IK: variants seen among roughly 807,000 people sequenced by gnomAD.
The protein encoded by IK is IK cytokine.
Under a neutral mutation model 90.9 loss-of-function variants are expected in IK, and 47 were observed. The ratio of observed to expected loss-of-function variants is 0.52; its 90% CI spans 0.41 to 0.66. The LOEUF is 0.66. Ranked by LOEUF, IK falls within the 30% of genes least tolerant of loss-of-function variation. The pLI is 0.00. For synonymous variants in IK, 201 were observed against 227.5 expected (o/e 0.88, Z 1.05); for missense variants, 385 against 709.3 (o/e 0.54, Z 5.19).
chr5:140,660,454 C>T lies in IK; in HGVS notation c.1355+259C>T. 4 of 541,312 alleles carry T rather than the reference C, an allele frequency of 7.4e-6. No homozygotes were observed. In the East Asian group the frequency reaches 1.2e-4, roughly 17 times the overall value. The allele number at this position is 541,312 out of a possible 1,614,324, so 33.5% of individuals were successfully genotyped here. On this transcript the variant is annotated intron_variant, in intron 15 of 19. Coordinates refer to ENST00000417647, the MANE Select transcript of IK (RefSeq NM_006083.4). The stretch of plus-strand genomic sequence containing the variant: ...CTGGGATTATAGGCATGCATCACCA[C>T]ACCTGGCTAGTTTTTGTATTTTTAG...
intron 2 of IK, 74 bp from the exon 3 acceptor site, chr5:140,651,640 A>G (rs1757618221): frequency 2.6e-6 from 2 of 766,824 alleles, no homozygotes; most frequent in African/African-American, 1.8e-5. Flanking sequence ...TGTTAATTTA[A>G]TCATGATTTT....
In IK at chr5:140,661,495, T is replaced by C. The variant is rs906123865; in HGVS notation, c.1414-125T>C. 7.7e-6 allele frequency: 5 copies of C among 646,732 alleles called. No individual in the cohort carries two copies. Among genetic ancestry groups the C allele is most frequent in the South Asian group, 7.7e-5 (4 of 51,918 alleles). 40.1% of individuals were successfully genotyped at this position (646,732 alleles called of 1,614,324 possible). A position where few individuals can be genotyped will look rare whatever the true frequency, so the allele number is the denominator to read the frequency against. On this transcript the variant is annotated intron_variant, in intron 16 of 19. Coordinates refer to ENST00000417647, the MANE Select transcript of IK (RefSeq NM_006083.4). This position sits in a 1 kb window ranked among gnomAD's most constrained non-coding sequence, Gnocchi z 4.2. Reference sequence around the variant, plus strand: ...TGTAATAAGCATTTATTATTACTTATCAGGGTATGATTTATGAATTGTGGA... The same window carrying C: ...TGTAATAAGCATTTATTATTACTTACCAGGGTATGATTTATGAATTGTGGA...
chr5:140,648,216 C>A lies in IK; in HGVS notation c.17-255C>A, dbSNP rs1757527974. 4.3e-6 allele frequency: 3 copies of A among 703,868 alleles called. No homozygotes were observed. In the South Asian group the frequency reaches 4.5e-5, roughly 11 times the overall value. 43.6% of individuals were successfully genotyped at this position (703,868 alleles called of 1,614,324 possible). A position where few individuals can be genotyped will look rare whatever the true frequency, so the allele number is the denominator to read the frequency against. ...TCCCCATACTTAATCCTGGGTTGCG[C>A]GTATTTATCTTTTACGTAGTATTTT... On this transcript the variant is annotated intron_variant, in intron 1 of 19. Coordinates refer to ENST00000417647, the MANE Select transcript of IK (RefSeq NM_006083.4).
intron 5 of IK, 38 bp from the exon 6 acceptor site, chr5:140,653,900 G>C: frequency 7.7e-7 from 1 of 1,305,402 alleles, no homozygotes; most frequent in Non-Finnish European, 1.1e-6. Context: ...ACCACGCCTG[G>C]ACAGTACTGT....
chr5:140,649,835 C>G lies in IK; in HGVS notation c.83+1298C>G, dbSNP rs556262009. On this transcript the variant is annotated intron_variant, in intron 2 of 19. Coordinates refer to ENST00000417647, the MANE Select transcript of IK (RefSeq NM_006083.4). ...GGCGTGAGCCACTGCGCCTGGCCCTCCTACTCTTTTTTAAATGCATTTATA... is the reference window on the plus strand; with the variant it reads ...GGCGTGAGCCACTGCGCCTGGCCCTGCTACTCTTTTTTAAATGCATTTATA... 2.0e-5 allele frequency among the ~76,000 whole-genome samples: 3 copies of G among 152,306 alleles called. No individual in the cohort carries two copies. The South Asian group carries it at 6.2e-4, about 32-fold the overall frequency.
Position 140,654,048 on chromosome 5 carries a change from A to G in IK, c.515A>G (p.Gln172Arg). 6.3e-7 allele frequency: 1 copy of G among 1,586,116 alleles called. No individual in the cohort carries two copies. Among genetic ancestry groups the G allele is most frequent in the Non-Finnish European group, 8.7e-7 (1 of 1,154,690 alleles). The change falls in exon 6 of 20, where the codon CAA becomes CGA. Residue 172 changes from glutamine (Q) to arginine (R), a missense_variant. Physicochemically the swap from Gln to Arg is conservative, Grantham distance 43. Coordinates refer to ENST00000417647, the MANE Select transcript of IK (RefSeq NM_006083.4). ...AAAGGCTTGGATTTTGCTCTGCTTC[A>G]AAAGGTGAGTCCTGGTGGTCAGGTG... ...LVKGLDFALL[Q>R]KVRAEIASKE...
At chr5:140,657,964 AAAAGGC>A (rs1010721598) in intron 10 of IK, among the ~76,000 whole-genome samples, 1 of 152,228 alleles carries the variant, frequency 6.6e-6, no homozygotes, top group African/African-American at 2.4e-5. Context: ...ACAGATTCTA[AAAAGGC>A]TCTAATACTT....
intron 6 of IK, among the ~76,000 whole-genome samples, 152 bp downstream of exon 6, chr5:140,654,204 C>G (rs963442692): frequency 6.6e-6 from 1 of 152,200 alleles, no homozygotes; most frequent in South Asian, 2.1e-4. Flanking sequence ...GCTACTCATC[C>G]TTCAAGTATC....
chr5:140,648,007 G>GGGGTGTGTGTGT, intron 1 of IK, 83 bp downstream of exon 1: 1 of 930,684 alleles, frequency 1.1e-6, no homozygotes, highest in South Asian at 1.4e-5. Context: ...GCTTAAGCCG[G>GGGGTGTGTGTGT]GTGTGTGTGT....
At chr5:140,659,668 G>T (rs747950798) in intron 13 of IK, 88 bp from the exon 14 acceptor site, 1 of 834,536 alleles carries the variant, frequency 1.2e-6, no homozygotes, top group Non-Finnish European at 2.0e-6. Context: ...AGGGTTCTAT[G>T]CCTTAAAAAT....
Position 140,648,513 on chromosome 5 carries a change from T to C in IK, c.59T>C (p.Val20Ala). ...SNPLAPDGHD[V>A]DDPHSFHQSK... ...CCTTTGGCCCCCGATGGCCACGATG[T>C]GGATGATCCTCACTCCTTCCACCAG... Residue 20 changes from valine (V) to alanine (A), a missense_variant, in exon 2 of 20, where the codon GTG becomes GCG. Val to Ala is a moderately conservative substitution (Grantham distance 64). Around this residue, in one of 8 missense-constraint regions of IK, gnomAD observed 42 missense variants for 37.9 expected, o/e 1.11. Transcript: ENST00000417647. The C allele has an allele frequency of 6.2e-7, 1 of 1,614,056 alleles. No homozygotes were observed. The highest frequency in any genetic ancestry group is 8.5e-7 in the Non-Finnish European group (1 of 1,179,894).
rs753149634 is a variant in IK at position 140,648,042 on chromosome 5, GTGTA to G, written c.16+130_16+133del. On this transcript the variant is annotated intron_variant, in intron 1 of 19. Coordinates refer to ENST00000417647, the MANE Select transcript of IK (RefSeq NM_006083.4). ...TGTGTGTGTGTGTGTGTGTGTGTGT[GTGTA>G]TGTATGTATGTGTGACGCTTGAGCC... is the stretch of plus-strand genomic sequence containing the variant. 5.9e-4 allele frequency: 280 copies of G among 471,330 alleles called. 3 individuals carry two copies. Among genetic ancestry groups the G allele is most frequent in the African/African-American group, 3.0e-3 (96 of 31,530 alleles). 29.2% of individuals were successfully genotyped at this position (471,330 alleles called of 1,614,324 possible). A position where few individuals can be genotyped will look rare whatever the true frequency, so the allele number is the denominator to read the frequency against.
intron 9 of IK, among the ~76,000 whole-genome samples, chr5:140,656,289 T>C (rs551624454): frequency 1.3e-5 from 2 of 152,296 alleles, no homozygotes; most frequent in South Asian, 4.1e-4. Flanking sequence ...GCCTCCCAGG[T>C]TCAAACGATT....
intron 2 of IK, among the ~76,000 whole-genome samples, chr5:140,650,195 G>A (rs2245643): frequency 0.39 from 59,132 of 151,960 alleles, 11,978 homozygotes; most frequent in East Asian, 0.46. Flanking sequence ...TGTTGTATTC[G>A]GAATTAAGTT....
chr5:140,654,099 C>A, intron 6 of IK, 47 bp downstream of exon 6: 1 of 1,060,994 alleles, frequency 9.4e-7, no homozygotes, highest in Non-Finnish European at 1.5e-6. Flanking sequence ...GTGCTGAATG[C>A]TCTTGTATGG....
At chr5:140,651,438 TAA>T (rs79493817) in intron 2 of IK, among the ~76,000 whole-genome samples, 35 of 111,868 alleles carry the variant, frequency 3.1e-4, no homozygotes, top group Admixed American at 4.0e-4. Flanking sequence ...GACTCTGTCT[TAA>T]AAAAAAAAAA....
intron 4 of IK, 150 bp downstream of exon 4, chr5:140,652,297 A>G: frequency 1.6e-6 from 1 of 633,036 alleles, no homozygotes; most frequent in Non-Finnish European, 2.8e-6. Flanking sequence ...GTGGCAGTAG[A>G]GGGCTTTGGA....
At chr5:140,660,843 C>A in intron 16 of IK, 28 bp downstream of exon 16, 1 of 1,577,118 alleles carries the variant, frequency 6.3e-7, no homozygotes, top group Non-Finnish European at 8.7e-7. Context: ...TGGTGGGCGC[C>A]TTTGGGCAGT....
At chr5:140,649,213 CTT>C (rs1177181637) in intron 2 of IK, among the ~76,000 whole-genome samples, 29 of 132,688 alleles carry the variant, frequency 2.2e-4, no homozygotes, top group African/African-American at 6.1e-4. Context: ...TCTTTTCTTT[CTT>C]TTTTTTTTTT....
Sources: allele counts gnomAD v4.1 joint callset (sites outside exome capture counted in the v4.1 genomes callset), GRCh38; gene constraint gnomAD v4.1.1; regional missense constraint gnomAD v4.1.1; non-coding constraint Gnocchi (gnomAD v3.1); transcripts MANE v1.5; gene names NCBI Gene and HGNC (gene_info 2026-07-23, HGNC 2026-07-21).